The following SCHIP1 variants were observed in gnomAD, a reference collection of about 807,000 sequenced individuals.
SCHIP1 encodes schwannomin-interacting protein 1.
In SCHIP1, 8 loss-of-function variants were observed where a neutral mutation model predicts 29.7. The observed-to-expected ratio is 0.27, with a 90% CI of 0.16 to 0.49. The LOEUF (loss-of-function observed/expected upper bound fraction) is 0.49. Ranked by LOEUF, SCHIP1 falls within the 20% of genes least tolerant of loss-of-function variation. The pLI is 0.99. For synonymous variants in SCHIP1, 76 were observed against 94.9 expected (o/e 0.80, Z 1.16); for missense variants, 193 against 294.6 (o/e 0.66, Z 2.52).
chr3:159,557,076 G>C, the SCHIP1 span, among the ~76,000 whole-genome samples: 1 of 151,422 alleles, frequency 6.6e-6, no homozygotes, highest in Non-Finnish European at 1.5e-5. Flanking sequence ...TCCTGCCTCA[G>C]CCTCCCAAGT....
chr3:159,533,416 AGT>A, the SCHIP1 span, among the ~76,000 whole-genome samples: 1 of 152,150 alleles, frequency 6.6e-6, no homozygotes, highest in African/African-American at 2.4e-5. Flanking sequence ...CAGGGTTGGC[AGT>A]GTTCCTAGAA....
upstream of SCHIP1, among the ~76,000 whole-genome samples, chr3:159,835,786 G>A (rs142400231): frequency 9.6e-4 from 146 of 152,256 alleles, 3 homozygotes; most frequent in African/African-American, 3.4e-3. Flanking sequence ...TCCTGACCCA[G>A]GCTATTCACT....
At chr3:159,531,553 G>A in the SCHIP1 span, among the ~76,000 whole-genome samples, 21 of 152,204 alleles carry the variant, frequency 1.4e-4, no homozygotes, top group African/African-American at 4.8e-4. Flanking sequence ...ACAAGATACC[G>A]TACCTACAAA....
the SCHIP1 span, among the ~76,000 whole-genome samples, chr3:159,468,777 A>ATATATATTTTT: frequency 6.7e-4 from 85 of 127,326 alleles, no homozygotes; most frequent in African/African-American, 2.4e-3. Flanking sequence ...ATATATATAT[A>ATATATATTTTT]TTTTTTTTAG....
the SCHIP1 span, among the ~76,000 whole-genome samples, chr3:159,506,910 A>G: frequency 6.6e-6 from 1 of 152,144 alleles, no homozygotes; most frequent in Non-Finnish European, 1.5e-5. Context: ...TGATGCCCCC[A>G]GCTTTGTTTT....
At chr3:159,679,988 G>T in the SCHIP1 span, among the ~76,000 whole-genome samples, 1 of 151,822 alleles carries the variant, frequency 6.6e-6, no homozygotes. Context: ...TTTTCCGTGA[G>T]ACTGTCCCTG....
At chr3:159,386,017 A>G in the SCHIP1 span, among the ~76,000 whole-genome samples, 1 of 152,216 alleles carries the variant, frequency 6.6e-6, no homozygotes, top group Non-Finnish European at 1.5e-5. Flanking sequence ...CCTGCAAAGT[A>G]CATGAACTCA....
chr3:159,884,955 G>A (rs938392011), intron 2 of SCHIP1, among the ~76,000 whole-genome samples: 2 of 152,198 alleles, frequency 1.3e-5, no homozygotes, highest in Non-Finnish European at 2.9e-5. Flanking sequence ...GGGGTTGTAA[G>A]CTGGGATTTT....
chr3:159,867,833 A>G (rs1044174672), intron 2 of SCHIP1, among the ~76,000 whole-genome samples: 2 of 152,040 alleles, frequency 1.3e-5, no homozygotes, highest in African/African-American at 2.4e-5. Flanking sequence ...GCATTGGACC[A>G]TATCATCTTA....
At chr3:159,294,118 C>T in the SCHIP1 span, among the ~76,000 whole-genome samples, 2 of 152,092 alleles carry the variant, frequency 1.3e-5, no homozygotes, top group East Asian at 1.9e-4. Context: ...TCTACACAAA[C>T]ATGATAAGGA....
At chr3:159,789,033 C>T in the SCHIP1 span, among the ~76,000 whole-genome samples, 2 of 152,086 alleles carry the variant, frequency 1.3e-5, no homozygotes, top group Non-Finnish European at 2.9e-5. Flanking sequence ...CCAACAAAAT[C>T]CAACATTTGA....
At chr3:159,707,226 G>A in the SCHIP1 span, among the ~76,000 whole-genome samples, 1 of 152,246 alleles carries the variant, frequency 6.6e-6, no homozygotes, top group African/African-American at 2.4e-5. Flanking sequence ...TAGGAGAAAA[G>A]GGAAGAGCGG....
the SCHIP1 span, among the ~76,000 whole-genome samples, chr3:159,457,530 G>A: frequency 6.6e-6 from 1 of 152,000 alleles, no homozygotes; most frequent in African/African-American, 2.4e-5. Context: ...ATGAAGGGAA[G>A]GGAGGAAGCT....
the SCHIP1 span, among the ~76,000 whole-genome samples, chr3:159,717,327 G>A: frequency 6.6e-6 from 1 of 152,226 alleles, no homozygotes; most frequent in South Asian, 2.1e-4. Context: ...AAGAACTGGA[G>A]AAGCAAGAGC....
chr3:159,435,832 A>G, the SCHIP1 span, among the ~76,000 whole-genome samples: 20 of 152,106 alleles, frequency 1.3e-4, no homozygotes, highest in Admixed American at 6.6e-5. Flanking sequence ...ACAAGACTCA[A>G]ATACTTGGAG....
chr3:159,842,997 C>CTTTTTT lies in SCHIP1; in HGVS notation c.30+2786_30+2787insTTTTTT, dbSNP rs1440922016. Among the ~76,000 whole-genome samples, 466 of 61,650 alleles carry CTTTTTT rather than the reference C, an allele frequency of 7.6e-3. 32 individuals carry two copies. Among genetic ancestry groups the CTTTTTT allele is most frequent in the South Asian group, 0.02 (26 of 1,290 alleles). 40.4% of individuals were successfully genotyped at this position (61,650 alleles called of 152,430 possible). On this transcript the variant is annotated intron_variant, in intron 1 of 6. Transcript: ENST00000445224. Reference sequence around the variant, plus strand: ...GCTCTCCAGTTCTATCCCAATATTTCTTTCTTTTTTTTTTTTTTTTTTTTT... The same window carrying CTTTTTT: ...GCTCTCCAGTTCTATCCCAATATTTCTTTTTTTTTCTTTTTTTTTTTTTTTTTTTTT...
chr3:159,635,327 T>G, the SCHIP1 span, among the ~76,000 whole-genome samples: 3 of 152,012 alleles, frequency 2.0e-5, no homozygotes, highest in Non-Finnish European at 4.4e-5. Context: ...GGAGAGGTGG[T>G]AGGGATGGGG....
chr3:159,768,724 G>C, the SCHIP1 span: 10 of 152,294 alleles, frequency 6.6e-5, no homozygotes, highest in African/African-American at 2.4e-4. Flanking sequence ...CTGGATCCTT[G>C]CTCCATCTCA....
chr3:159,499,273 C>T, the SCHIP1 span, among the ~76,000 whole-genome samples: 1 of 152,216 alleles, frequency 6.6e-6, no homozygotes, highest in Non-Finnish European at 1.5e-5. Context: ...TGGGCCATCA[C>T]AATTCAGGAT....
Sources: allele counts gnomAD v4.1 joint callset (sites outside exome capture counted in the v4.1 genomes callset), GRCh38; gene constraint gnomAD v4.1.1; transcripts MANE v1.5; gene names NCBI Gene and HGNC (gene_info 2026-07-23, HGNC 2026-07-21).